The following CUX1 variants were observed in gnomAD, a reference collection of about 807,000 sequenced individuals.
The protein encoded by CUX1 is cut like homeobox 1, also known as protein CASP.
In CUX1, 31 loss-of-function variants were observed where a neutral mutation model predicts 158.8. The ratio of observed to expected loss-of-function variants is 0.20; its 90% CI spans 0.15 to 0.26. The LOEUF (loss-of-function observed/expected upper bound fraction) is 0.26. Among genes scored for constraint, CUX1 ranks in the 10% least tolerant of loss-of-function variants. The pLI, the probability that CUX1 is intolerant of heterozygous loss-of-function variation, is 1.00. For missense variants in CUX1, 1,589 were observed against 2,014.6 expected, an observed-to-expected ratio of 0.79 and a Z score of 4.04; for synonymous variants, 879 against 862.1, an observed-to-expected ratio of 1.02 and a Z score of -0.34.
chr7:102,267,138 G>T (rs1586501903), intron 14 of CUX1, among the ~76,000 whole-genome samples: 2 of 152,182 alleles, frequency 1.3e-5, no homozygotes, highest in Admixed American at 1.3e-4. Context: ...AGGCAGGGAG[G>T]GGTGGATGAG....
At chr7:102,182,112 G>C (rs1441546235) in intron 11 of CUX1, among the ~76,000 whole-genome samples, 1 of 152,208 alleles carries the variant, frequency 6.6e-6, no homozygotes, top group Non-Finnish European at 1.5e-5. Flanking sequence ...TCAGGTTGCT[G>C]TTTGGGAGAG....
intron 21 of CUX1, among the ~76,000 whole-genome samples, chr7:102,282,551 T>A (rs1792159229): frequency 6.6e-6 from 1 of 152,100 alleles, no homozygotes; most frequent in Non-Finnish European, 1.5e-5. Flanking sequence ...CATCTGATCA[T>A]CTGCAGAAGC....
intron 18 of CUX1, chr7:102,278,098 G>A: frequency 1.3e-6 from 2 of 1,499,020 alleles, no homozygotes; most frequent in Non-Finnish European, 1.9e-6. Context: ...AGCTCCAGGT[G>A]GACCAGGCAG....
intron 6 of CUX1, among the ~76,000 whole-genome samples, chr7:102,104,720 T>C (rs1830153674): frequency 6.6e-6 from 1 of 151,754 alleles, no homozygotes; most frequent in Non-Finnish European, 1.5e-5. Context: ...TGAAACCCCG[T>C]CTCTACTAAA....
At chr7:101,945,401 G>A (rs185274567) in intron 2 of CUX1, among the ~76,000 whole-genome samples, 88 of 152,236 alleles carry the variant, frequency 5.8e-4, no homozygotes, top group Admixed American at 2.2e-3. Context: ...TTTAAATTGC[G>A]AGTACATTTC....
intron 9 of CUX1, among the ~76,000 whole-genome samples, chr7:102,159,171 A>G (rs1554506306): frequency 6.6e-6 from 1 of 150,542 alleles, no homozygotes; most frequent in Admixed American, 6.6e-5. Flanking sequence ...CCACGGTGTT[A>G]TCCTCGGAGA....
chr7:101,956,619 T>G (rs1266680021), intron 2 of CUX1, among the ~76,000 whole-genome samples: 1 of 152,200 alleles, frequency 6.6e-6, no homozygotes, highest in East Asian at 1.9e-4. Flanking sequence ...AATCCCACTT[T>G]TGAAAATCTA....
chr7:102,219,139 A>G (rs1400224505), intron 20 of CUX1, among the ~76,000 whole-genome samples: 1 of 148,204 alleles, frequency 6.7e-6, no homozygotes, highest in African/African-American at 2.5e-5. Flanking sequence ...AGCACCTACT[A>G]GGTACCAGAG....
At chr7:102,235,153 G>A (rs1236620917) in intron 22 of CUX1, among the ~76,000 whole-genome samples, 3 of 152,202 alleles carry the variant, frequency 2.0e-5, no homozygotes, top group African/African-American at 7.2e-5. Context: ...CAGCCTGTAG[G>A]CTACAGCATA....
At chr7:102,077,183 C>T (rs1826847380) in intron 4 of CUX1, among the ~76,000 whole-genome samples, 1 of 151,872 alleles carries the variant, frequency 6.6e-6, no homozygotes, top group African/African-American at 2.4e-5. Context: ...CCTCAGGTGG[C>T]ACCAACTGGG....
rs1825026321 is a variant in CUX1 at position 102,062,627 on chromosome 7, AG to A, written c.190-7710del. On this transcript the variant is annotated intron_variant, in intron 3 of 23. Transcript: ENST00000292535. The stretch of plus-strand genomic sequence containing the variant: ...CTGAGCTCAAGGGATCCTCCCAAAG[AG>A]GTGGGACCACAGGCATACACCACCA... Among the ~76,000 whole-genome samples the A allele has an allele frequency of 2.6e-5, 4 of 152,202 alleles. No homozygotes were observed. In the South Asian group the frequency reaches 8.3e-4, roughly 32 times the overall value.
chr7:102,039,179 T>C (rs1821766822), intron 3 of CUX1, among the ~76,000 whole-genome samples: 1 of 152,190 alleles, frequency 6.6e-6, no homozygotes. Context: ...AAGTGTTTAT[T>C]GGATGGGTGG....
intron 1 of CUX1, among the ~76,000 whole-genome samples, chr7:101,838,744 A>G (rs1346138621): frequency 6.6e-6 from 1 of 152,004 alleles, no homozygotes; most frequent in Admixed American, 6.5e-5. Context: ...TAGAGGTTGC[A>G]GTGAGCCGAG....
At chr7:101,918,704 C>T (rs1465292982) in intron 2 of CUX1, among the ~76,000 whole-genome samples, 1 of 152,240 alleles carries the variant, frequency 6.6e-6, no homozygotes, top group Non-Finnish European at 1.5e-5. Context: ...GGCGCCCACG[C>T]GGAAAGTCCA....
At chr7:102,178,141 A>G (rs781990025) in intron 10 of CUX1, among the ~76,000 whole-genome samples, 4 of 152,212 alleles carry the variant, frequency 2.6e-5, no homozygotes, top group Non-Finnish European at 4.4e-5. Flanking sequence ...ACCTAAGGTC[A>G]TCCACCCACC....
Position 102,216,687 on chromosome 7 carries a change from C to CTA in CUX1, c.3131-10680_3131-10679insTA, listed in dbSNP as rs1554524919. ...CACACACTCACACACACACACTCCC[C>CTA]CACACACACTCCCACACGCACTCTC... On this transcript the variant is annotated intron_variant, in intron 20 of 23. Transcript: ENST00000292535. Among the ~76,000 whole-genome samples, 51 of 113,822 alleles carry CTA rather than the reference C, an allele frequency of 4.5e-4. 1 individual carries two copies. Among genetic ancestry groups the CTA allele is most frequent in the African/African-American group, 1.9e-3 (50 of 26,378 alleles). 74.7% of individuals were successfully genotyped at this position (113,822 alleles called of 152,430 possible).
chr7:101,843,525 C>A (rs1795379284), intron 1 of CUX1, among the ~76,000 whole-genome samples: 1 of 151,312 alleles, frequency 6.6e-6, no homozygotes, highest in Non-Finnish European at 1.5e-5. Context: ...TGTGATTATT[C>A]TTAAAATTAT....
chr7:102,263,709 T>C (rs1008043584), intron 14 of CUX1, among the ~76,000 whole-genome samples: 1 of 152,022 alleles, frequency 6.6e-6, no homozygotes, highest in African/African-American at 2.4e-5. Flanking sequence ...CTCTTTTTTT[T>C]TGAGACAGGG....
chr7:102,126,991 T>G (rs1832712277), intron 8 of CUX1, among the ~76,000 whole-genome samples: 1 of 152,112 alleles, frequency 6.6e-6, no homozygotes, highest in Admixed American at 6.5e-5. Context: ...CATGCGCAGT[T>G]CACAGTAGGG....
Sources: allele counts gnomAD v4.1 joint callset (sites outside exome capture counted in the v4.1 genomes callset), GRCh38; gene constraint gnomAD v4.1.1; transcripts MANE v1.5; gene names NCBI Gene and HGNC (gene_info 2026-07-23, HGNC 2026-07-21).